The following RBFOX1 variants were observed in gnomAD, a reference collection of about 807,000 sequenced individuals.
The protein encoded by RBFOX1 is RNA binding protein fox-1 homolog 1.
In RBFOX1, 8 loss-of-function variants were observed where a neutral mutation model predicts 57.7. The ratio of observed to expected loss-of-function variants is 0.14; its 90% confidence interval spans 0.08 to 0.25. The LOEUF is 0.25. Ranked by LOEUF, RBFOX1 falls within the 10% of genes least tolerant of loss-of-function variation. The pLI is 1.00. For synonymous variants in RBFOX1, 326 were observed against 222.4 expected, an observed-to-expected ratio of 1.47 and a Z score of -4.15; for missense variants, 611 against 548.5, an observed-to-expected ratio of 1.11 and a Z score of -1.14.
chr16:6,266,724 A>AAAAG lies in RBFOX1; in HGVS notation c.-126-50269_-126-50268insAGAA, dbSNP rs1555593095. ...GCAAGACTCTGTCTAAAAAAAAAAA[A>AAAAG]AAGAAGAAGAAGAAGAAGAATCTAT... is the stretch of plus-strand genomic sequence containing the variant. On this transcript the variant is annotated intron_variant, in intron 1 of 15. Transcript: ENST00000550418. Among the ~76,000 whole-genome samples the AAAAG allele has an allele frequency of 5.9e-4, 90 of 151,816 alleles. 1 individual carries two copies. The highest frequency in any genetic ancestry group is 2.0e-3 in the African/African-American group (84 of 41,344).
rs1373970720 is a variant in RBFOX1 at position 7,567,357 on chromosome 16, A to G, written c.271-12420A>G. 7.5e-5 allele frequency among the ~76,000 whole-genome samples: 7 copies of G among 93,460 alleles called. 1 individual carries two copies. The highest frequency in any genetic ancestry group is 2.9e-4 in the South Asian group (1 of 3,486). The allele number at this position is 93,460 out of a possible 152,430, so 61.3% of individuals were successfully genotyped here. A position where few individuals can be genotyped will look rare whatever the true frequency, so the allele number is the denominator to read the frequency against. ...TATGGCCCTATATATATATCCCTAT[A>G]TATGGCCCTATATATATATCCCTAT... On this transcript the variant is annotated intron_variant, in intron 5 of 15. Transcript: ENST00000550418.
chr16:5,395,991 A>C (rs963296442), intron 1 of RBFOX1, among the ~76,000 whole-genome samples: 1 of 152,158 alleles, frequency 6.6e-6, no homozygotes. Flanking sequence ...CAACAGCCCC[A>C]CTGTTGCCTG....
At chr16:7,008,409 G>T (rs2093423409) in intron 3 of RBFOX1, among the ~76,000 whole-genome samples, 1 of 151,888 alleles carries the variant, frequency 6.6e-6, no homozygotes, top group African/African-American at 2.4e-5. Flanking sequence ...AGGCATGGTG[G>T]CGCATCTGTA....
chr16:7,469,915 A>C (rs2061252317), intron 4 of RBFOX1, among the ~76,000 whole-genome samples: 1 of 152,116 alleles, frequency 6.6e-6, no homozygotes, highest in African/African-American at 2.4e-5. Context: ...ACCTCATATA[A>C]ATGGAATCAT....
chr16:7,213,211 T>G (rs1185204922), intron 4 of RBFOX1, among the ~76,000 whole-genome samples: 1 of 152,288 alleles, frequency 6.6e-6, no homozygotes, highest in South Asian at 2.1e-4. Flanking sequence ...GAACAATATC[T>G]GGGGCAGAAA....
chr16:5,821,897 T>G (rs2055870793), intron 3 of RBFOX1, among the ~76,000 whole-genome samples: 1 of 152,176 alleles, frequency 6.6e-6, no homozygotes. Context: ...GCACGGAGCC[T>G]TCATGGCCTG....
Position 6,801,819 on chromosome 16 carries a change from C to A in RBFOX1, c.-16+147169C>A, listed in dbSNP as rs565316390. ...TACAAAGTTTTCCAAAGATTATATA[C>A]CTTCTAAGTTGTATGTCTACATGTA... On this transcript the variant is annotated intron_variant, in intron 3 of 15. Transcript: ENST00000550418. Among the ~76,000 whole-genome samples the A allele has an allele frequency of 5.3e-5, 8 of 152,196 alleles. No homozygotes were observed. In the South Asian group the frequency reaches 1.7e-3, roughly 32 times the overall value.
intron 2 of RBFOX1, among the ~76,000 whole-genome samples, chr16:6,338,613 A>G (rs1215505582): frequency 6.6e-6 from 1 of 152,210 alleles, no homozygotes; most frequent in Non-Finnish European, 1.5e-5. Flanking sequence ...TTTCTCTTAA[A>G]GAGTACTTTA....
At chr16:6,312,664 C>G (rs1054740729) in intron 1 of RBFOX1, among the ~76,000 whole-genome samples, 1 of 61,024 alleles carries the variant, frequency 1.6e-5, no homozygotes, top group Admixed American at 1.5e-4. Flanking sequence ...TTCCTTCCTT[C>G]CTTCCTTCCT....
intron 4 of RBFOX1, among the ~76,000 whole-genome samples, chr16:7,193,563 T>C (rs899425819): frequency 6.6e-6 from 1 of 152,242 alleles, no homozygotes; most frequent in Non-Finnish European, 1.5e-5. Flanking sequence ...CCAGATGCTC[T>C]TATGAGCATT....
At chr16:5,491,504 G>A (rs544072447) in intron 2 of RBFOX1, among the ~76,000 whole-genome samples, 1 of 152,270 alleles carries the variant, frequency 6.6e-6, no homozygotes, top group Admixed American at 6.5e-5. Flanking sequence ...AGCCCCAAAT[G>A]TCCATCAACA....
chr16:6,889,865 A>G (rs756482571), intron 3 of RBFOX1, among the ~76,000 whole-genome samples: 10 of 152,198 alleles, frequency 6.6e-5, no homozygotes, highest in Non-Finnish European at 1.2e-4. Context: ...CATAGGGTGG[A>G]GAAAGTTTTC....
intron 4 of RBFOX1, among the ~76,000 whole-genome samples, chr16:5,897,178 G>A (rs1304228004): frequency 1.3e-5 from 2 of 151,948 alleles, no homozygotes; most frequent in Non-Finnish European, 2.9e-5. Flanking sequence ...TGGGACTACA[G>A]GCGCCCGCCA....
At chr16:6,882,028 C>G (rs1309811941) in intron 3 of RBFOX1, among the ~76,000 whole-genome samples, 3 of 152,142 alleles carry the variant, frequency 2.0e-5, no homozygotes, top group Non-Finnish European at 4.4e-5. Context: ...AGACTCTAGA[C>G]TTCATTTCTG....
At chr16:6,401,975 GC>G in intron 2 of RBFOX1, among the ~76,000 whole-genome samples, 1 of 151,978 alleles carries the variant, frequency 6.6e-6, no homozygotes, top group African/African-American at 2.4e-5. Context: ...GATCATCATG[GC>G]TGAGCCAGAC....
At chr16:5,307,833 C>T (rs1226946261) in intron 1 of RBFOX1, among the ~76,000 whole-genome samples, 1 of 152,074 alleles carries the variant, frequency 6.6e-6, no homozygotes, top group African/African-American at 2.4e-5. Context: ...ACCACCATGC[C>T]CAGGTAATTT....
intron 4 of RBFOX1, among the ~76,000 whole-genome samples, chr16:5,910,554 T>C (rs1453029647): frequency 6.6e-6 from 1 of 152,134 alleles, no homozygotes; most frequent in African/African-American, 2.4e-5. Context: ...CTTTTGGTTA[T>C]TGGAGTGGAG....
At chr16:7,339,842 A>G (rs955571692) in intron 4 of RBFOX1, among the ~76,000 whole-genome samples, 2 of 152,222 alleles carry the variant, frequency 1.3e-5, no homozygotes, top group Admixed American at 6.5e-5. Flanking sequence ...TTCAGGCACT[A>G]TTGAATTCAG....
At chr16:7,314,902 G>T (rs1329807646) in intron 4 of RBFOX1, among the ~76,000 whole-genome samples, 1 of 152,062 alleles carries the variant, frequency 6.6e-6, no homozygotes, top group Non-Finnish European at 1.5e-5. Flanking sequence ...GAATGTTATC[G>T]AGGACATTTA....
Sources: gnomAD v4.1 joint callset for allele counts (sites outside exome capture counted in the v4.1 genomes callset) on GRCh38, gnomAD v4.1.1 for gene constraint, MANE v1.5 for transcripts, NCBI Gene and HGNC (gene_info 2026-07-23, HGNC 2026-07-21) for gene names.